CDC42EP3: variants seen among roughly 807,000 people sequenced by gnomAD.
The protein encoded by CDC42EP3 is CDC42 effector protein 3, also known as CDC42 effector protein (Rho GTPase binding) 3.
A neutral mutation model predicts 15.5 loss-of-function variants in CDC42EP3; 4 were observed. That is an observed-to-expected ratio of 0.26 (90% CI 0.13 to 0.59). CDC42EP3 has a LOEUF of 0.59. Ranked by LOEUF, CDC42EP3 falls within the 20% of genes least tolerant of loss-of-function variation. The pLI is 0.89. For missense variants in CDC42EP3, 309 were observed against 311.2 expected, an observed-to-expected ratio of 0.99 and a Z score of 0.05; for synonymous variants, 145 against 130.3, an observed-to-expected ratio of 1.11 and a Z score of -0.77.
intron 1 of CDC42EP3, among the ~76,000 whole-genome samples, chr2:37,670,482 CTTTTTT>C (rs5830491): frequency 1.5e-5 from 2 of 136,650 alleles, no homozygotes; most frequent in South Asian, 2.4e-4. Flanking sequence ...AATTCGCTCA[CTTTTTT>C]TTTTTTTTTT....
intron 1 of CDC42EP3, among the ~76,000 whole-genome samples, chr2:37,667,830 T>C (rs1184974128): frequency 6.6e-6 from 1 of 152,216 alleles, no homozygotes; most frequent in East Asian, 1.9e-4. Context: ...GTATTTAGTA[T>C]AAGGTCAAAA....
intron 1 of CDC42EP3, among the ~76,000 whole-genome samples, chr2:37,657,855 A>G (rs943361202): frequency 1.1e-4 from 16 of 152,134 alleles, no homozygotes; most frequent in African/African-American, 2.9e-4. Flanking sequence ...ATGCTGCTAA[A>G]CATCCTACAG....
At position 37,650,411 on chromosome 2, in the gene CDC42EP3, G is replaced by A. The variant is rs559162247; in HGVS notation, c.-235-3589C>T. Among the ~76,000 whole-genome samples, 10 of 152,296 alleles carry A rather than the reference G, an allele frequency of 6.6e-5. No homozygotes were observed. The East Asian group carries it at 9.6e-4, about 15-fold the overall frequency. On this transcript the variant is annotated intron_variant, in intron 1 of 1. Transcript: ENST00000295324. ...GATAGTTTCTTCCCTAGCAAGAAGT[G>A]GCTGCTCCTGGAGAGGGTATGAGCA...
intron 1 of CDC42EP3, among the ~76,000 whole-genome samples, chr2:37,659,003 GGCCT>G (rs1665969303): frequency 1.3e-5 from 2 of 152,132 alleles, no homozygotes. Context: ...CAATCTGGGG[GGCCT>G]GCCACACTTG....
chr2:37,656,979 G>C (rs944391281), intron 1 of CDC42EP3, among the ~76,000 whole-genome samples: 28 of 79,764 alleles, frequency 3.5e-4, no homozygotes, highest in East Asian at 2.1e-3. Flanking sequence ...AAGTAACAAA[G>C]CCCCCCCCCC....
At chr2:37,672,730 T>G (rs1001928097), upstream of CDC42EP3, among the ~76,000 whole-genome samples, 4 of 152,168 alleles carry the variant, frequency 2.6e-5, no homozygotes, top group Non-Finnish European at 5.9e-5. Context: ...GGGAGGGGGC[T>G]GGGACCCCTG....
intron 1 of CDC42EP3, among the ~76,000 whole-genome samples, chr2:37,662,231 G>A (rs1280421043): frequency 6.6e-6 from 1 of 152,178 alleles, no homozygotes; most frequent in Non-Finnish European, 1.5e-5. Context: ...CTCCCTTTGG[G>A]AGCTTCAGTG....
At chr2:37,649,076 TAAA>T (rs112109458) in intron 1 of CDC42EP3, among the ~76,000 whole-genome samples, 9 of 135,896 alleles carry the variant, frequency 6.6e-5, no homozygotes, top group South Asian at 2.3e-4. Flanking sequence ...TCCAATTATT[TAAA>T]AAAAAAAAAA....
chr2:37,662,324 C>T (rs1403485697), intron 1 of CDC42EP3, among the ~76,000 whole-genome samples: 1 of 152,098 alleles, frequency 6.6e-6, no homozygotes, highest in African/African-American at 2.4e-5. Flanking sequence ...AAGCACCTGG[C>T]AGGCAATGAG....
chr2:37,655,032 CTGTT>C (rs2124622282), intron 1 of CDC42EP3, among the ~76,000 whole-genome samples: 1 of 152,304 alleles, frequency 6.6e-6, no homozygotes, highest in East Asian at 1.9e-4. Context: ...TATTTTCAGT[CTGTT>C]TAACTCCACC....
rs1665330268 is a variant in CDC42EP3, at chr2:37,643,351, A to C, written c.*2472T>G. 1 of 152,196 alleles carries C rather than the reference A, an allele frequency of 6.6e-6. No individual in the cohort carries two copies. The highest frequency in any genetic ancestry group is 2.1e-4 in the South Asian group (1 of 4,828). 9.4% of individuals were successfully genotyped at this position (152,196 alleles called of 1,614,324 possible). On this transcript the variant is annotated 3_prime_UTR_variant, in exon 2 of 2. Coordinates refer to ENST00000295324, the MANE Select transcript of CDC42EP3 (RefSeq NM_006449.5). Reference sequence around the variant, plus strand: ...GCTGCCTCGGGAGAAGTGACTCAACAAAATCATAAGCCGCATGTAGCTTTG... The same window carrying C: ...GCTGCCTCGGGAGAAGTGACTCAACCAAATCATAAGCCGCATGTAGCTTTG...
chr2:37,669,055 A>G, intron 1 of CDC42EP3, among the ~76,000 whole-genome samples: 1 of 152,190 alleles, frequency 6.6e-6, no homozygotes, highest in East Asian at 1.9e-4. Flanking sequence ...TTAGTAAGAA[A>G]TGAGACTGGG....
Position 37,645,263 on chromosome 2 carries a change from A to G in CDC42EP3, c.*560T>C, listed in dbSNP as rs1475692011. On this transcript the variant is annotated 3_prime_UTR_variant, in exon 2 of 2. Coordinates refer to ENST00000295324, the MANE Select transcript of CDC42EP3 (RefSeq NM_006449.5). ...TGTAGCTGACAGTCAAAATTTTGCA[A>G]TATAGATATAATATATAGGGATATA... 6.5e-6 allele frequency: 1 copy of G among 152,684 alleles called. No homozygotes were observed. The highest frequency in any genetic ancestry group is 1.5e-5 in the Non-Finnish European group (1 of 68,044). 9.5% of individuals were successfully genotyped at this position (152,684 alleles called of 1,614,324 possible).
At chr2:37,651,096 TC>T (rs1213139159) in intron 1 of CDC42EP3, among the ~76,000 whole-genome samples, 4 of 152,000 alleles carry the variant, frequency 2.6e-5, no homozygotes, top group Non-Finnish European at 5.9e-5. Context: ...CTTAATATGC[TC>T]ATCCGAGAAG....
chr2:37,644,545 A>C lies in CDC42EP3; in HGVS notation c.*1278T>G, dbSNP rs1232697679. On this transcript the variant is annotated 3_prime_UTR_variant, in exon 2 of 2. Coordinates refer to ENST00000295324, the MANE Select transcript of CDC42EP3 (RefSeq NM_006449.5). ...CTTACAGGGATGAAACTGGACTTGC[A>C]AGAGTTTGCTGTAGAAGGTGTTCAA... The C allele has an allele frequency of 1.3e-5, 2 of 151,924 alleles. No individual in the cohort carries two copies. The highest frequency in any genetic ancestry group is 1.3e-4 in the Admixed American group (2 of 15,260). 9.4% of individuals were successfully genotyped at this position (151,924 alleles called of 1,614,324 possible). A position where few individuals can be genotyped will look rare whatever the true frequency, so the allele number is the denominator to read the frequency against.
At chr2:37,650,852 A>AG (rs1167346485) in intron 1 of CDC42EP3, among the ~76,000 whole-genome samples, 1 of 152,232 alleles carries the variant, frequency 6.6e-6, no homozygotes, top group Non-Finnish European at 1.5e-5. Context: ...CAAACTCAGT[A>AG]GAGGCAGTGG....
rs1665823219 is a variant in CDC42EP3 at position 37,655,613 on chromosome 2, G to A, written c.-235-8791C>T. On this transcript the variant is annotated intron_variant, in intron 1 of 1. Transcript: ENST00000295324. ...TCATGCCTGGTTCATTTATCAGGAC[G>A]TGTTGTACATGGCACCAGGGCTGGT... Among the ~76,000 whole-genome samples, 3 of 152,126 alleles carry A rather than the reference G, an allele frequency of 2.0e-5. No homozygotes were observed. The South Asian group carries it at 6.2e-4, about 32-fold the overall frequency.
In CDC42EP3 at chr2:37,645,170, C is replaced by A. The variant is rs538567576; in HGVS notation, c.*653G>T. 1 of 152,450 alleles carries A rather than the reference C, an allele frequency of 6.6e-6. No individual in the cohort carries two copies. The highest frequency in any genetic ancestry group is 1.5e-5 in the Non-Finnish European group (1 of 68,016). The allele number at this position is 152,450 out of a possible 1,614,324, so 9.4% of individuals were successfully genotyped here. On this transcript the variant is annotated 3_prime_UTR_variant, in exon 2 of 2. Transcript: ENST00000295324. The stretch of plus-strand genomic sequence containing the variant: ...ACTCTGCAATAAAAAGCCAAAGGCA[C>A]GTAAAAATATATTTTAACTTTAAAA...
In CDC42EP3 at chr2:37,644,167, A is replaced by T. The variant is rs1045763558; in HGVS notation, c.*1656T>A. ...TGGTTAGTTGTCCTAATTGCATTTT[A>T]CCTGCAGTCCAAAGGTTATTTTAGA... On this transcript the variant is annotated 3_prime_UTR_variant, in exon 2 of 2. Coordinates refer to ENST00000295324, the MANE Select transcript of CDC42EP3 (RefSeq NM_006449.5). 2 of 152,168 alleles carry T rather than the reference A, an allele frequency of 1.3e-5. No homozygotes were observed. The highest frequency in any genetic ancestry group is 2.9e-5 in the Non-Finnish European group (2 of 68,034). 9.4% of individuals were successfully genotyped at this position (152,168 alleles called of 1,614,324 possible).
Sources: allele counts gnomAD v4.1 joint callset (sites outside exome capture counted in the v4.1 genomes callset), GRCh38; gene constraint gnomAD v4.1.1; transcripts MANE v1.5; gene names NCBI Gene and HGNC (gene_info 2026-07-23, HGNC 2026-07-21).